STOX2: variants seen among roughly 807,000 people sequenced by gnomAD.
The protein encoded by STOX2 is storkhead-box protein 2.
STOX2 carries 28 observed loss-of-function variants against 60.9 expected under a neutral mutation model. The observed-to-expected ratio is 0.46, with a 90% CI of 0.34 to 0.63. The LOEUF (loss-of-function observed/expected upper bound fraction) is 0.63. Among genes scored for constraint, STOX2 ranks in the 30% least tolerant of loss-of-function variants. The pLI is 0.01. For synonymous variants in STOX2, 472 were observed against 463.9 expected (o/e 1.02, Z -0.22); for missense variants, 1,024 against 1,187.7 (o/e 0.86, Z 2.03).
At chr4:183,882,072 G>A (rs926949340) in intron 1 of STOX2, among the ~76,000 whole-genome samples, 4 of 152,206 alleles carry the variant, frequency 2.6e-5, no homozygotes, top group African/African-American at 9.7e-5. Context: ...GTAAGTGACA[G>A]ATACTAGGAC....
intron 1 of STOX2, among the ~76,000 whole-genome samples, chr4:183,950,663 C>CAATA (rs1743041837): frequency 9.9e-6 from 1 of 101,386 alleles, no homozygotes; most frequent in Non-Finnish European, 2.0e-5. Context: ...GTTGGGCATG[C>CAATA]AATAGCGCAT....
intron 1 of STOX2, among the ~76,000 whole-genome samples, chr4:183,957,319 A>C (rs1743280143): frequency 6.6e-6 from 1 of 151,842 alleles, no homozygotes; most frequent in Non-Finnish European, 1.5e-5. Flanking sequence ...TAATCTGTTG[A>C]TATTTTGAGG....
intron 1 of STOX2, chr4:183,987,712 G>A (rs772227584): frequency 6.6e-6 from 1 of 152,194 alleles, no homozygotes; most frequent in African/African-American, 2.4e-5. Context: ...CCCGGGCTGC[G>A]AGCCTGACGG....
intron 1 of STOX2, among the ~76,000 whole-genome samples, chr4:183,874,952 A>AATATATATAT (rs759209967): frequency 3.4e-4 from 15 of 44,610 alleles, no homozygotes; most frequent in African/African-American, 1.2e-3. Flanking sequence ...AAAAAAAAAA[A>AATATATATAT]ATATATATAT....
rs1301957769 is a variant in STOX2, at chr4:184,009,140, T to TC, written c.320-18_320-17insC. On this transcript the variant is annotated splice_polypyrimidine_tract_variant and intron_variant, in intron 2 of 3. Transcript: ENST00000308497. The surrounding 1 kb of genome is among the most constrained non-coding windows in gnomAD (Gnocchi z 4.0). The stretch of plus-strand genomic sequence containing the variant: ...CTGTCTTCATTCTCACAAGTGGTTT[T>TC]TTTTTTTTTTTTTTCAGGTGTTCCA... 1.4e-6 allele frequency: 2 copies of TC among 1,388,622 alleles called. No individual in the cohort carries two copies. Among genetic ancestry groups the TC allele is most frequent in the Non-Finnish European group, 9.6e-7 (1 of 1,042,396 alleles). The allele number at this position is 1,388,622 out of a possible 1,614,324, so 86.0% of individuals were successfully genotyped here. A position where few individuals can be genotyped will look rare whatever the true frequency, so the allele number is the denominator to read the frequency against.
At chr4:183,819,029 C>CAGAGG (rs1560829991) in intron 1 of STOX2, among the ~76,000 whole-genome samples, 83 of 151,978 alleles carry the variant, frequency 5.5e-4, no homozygotes, top group African/African-American at 1.8e-3. Flanking sequence ...GATGGGATGG[C>CAGAGG]GGCTGGGCAG....
chr4:183,969,429 T>C (rs1743673376), intron 1 of STOX2, among the ~76,000 whole-genome samples: 1 of 152,216 alleles, frequency 6.6e-6, no homozygotes, highest in Admixed American at 6.5e-5. Context: ...CTGATTTGTA[T>C]TTAAAATTAT....
intron 3 of STOX2, chr4:184,014,132 A>C (rs866251174): frequency 1.5e-5 from 2 of 136,370 alleles, no homozygotes; most frequent in Admixed American, 7.4e-5. Context: ...AAAAAAAAAA[A>C]AACAGAAAAA....
intron 1 of STOX2, among the ~76,000 whole-genome samples, chr4:183,845,495 T>C (rs1323871675): frequency 6.7e-6 from 1 of 150,330 alleles, no homozygotes; most frequent in Non-Finnish European, 1.5e-5. Flanking sequence ...AAAGCTTGAA[T>C]TTTTTTTTGC....
intron 1 of STOX2, among the ~76,000 whole-genome samples, chr4:183,890,830 G>T (rs1741191138): frequency 6.6e-6 from 1 of 152,194 alleles, no homozygotes; most frequent in Admixed American, 6.5e-5. Flanking sequence ...CAATAAGGCT[G>T]GTTGCGGTGG....
chr4:183,846,150 C>T (rs1351002822), intron 1 of STOX2, among the ~76,000 whole-genome samples: 2 of 152,212 alleles, frequency 1.3e-5, no homozygotes, highest in East Asian at 3.8e-4. Flanking sequence ...GCCTCCGTGG[C>T]TTCTGATGAG....
chr4:183,888,931 T>G (rs976306296), intron 1 of STOX2, among the ~76,000 whole-genome samples: 2 of 152,002 alleles, frequency 1.3e-5, no homozygotes, highest in Non-Finnish European at 2.9e-5. Context: ...AGAAAACAAG[T>G]TGGCTTCTTC....
At position 183,811,928 on chromosome 4, in the gene STOX2, ATTTTTTTT is replaced by A. The variant is rs529589265; in HGVS notation, c.364+13889_364+13896del. ...AAAATGACCTAGTGAGAAAGCCTGGATTTTTTTTTTTTTTTTTTTTTTTGAGACAGGGT... is the reference window on the plus strand; with the variant it reads ...AAAATGACCTAGTGAGAAAGCCTGGATTTTTTTTTTTTTTTGAGACAGGGT... On this transcript the variant is annotated intron_variant, in intron 1 of 2. Coordinates refer to the STOX2 transcript ENST00000513034. 8.5e-5 allele frequency among the ~76,000 whole-genome samples: 11 copies of A among 129,700 alleles called. 1 individual carries two copies. The highest frequency in any genetic ancestry group is 1.4e-4 in the African/African-American group (5 of 35,740). 85.1% of individuals were successfully genotyped at this position (129,700 alleles called of 152,430 possible). A position where few individuals can be genotyped will look rare whatever the true frequency, so the allele number is the denominator to read the frequency against.
chr4:183,925,755 A>G (rs529583884), intron 1 of STOX2, among the ~76,000 whole-genome samples: 1 of 152,346 alleles, frequency 6.6e-6, no homozygotes, highest in Non-Finnish European at 1.5e-5. Flanking sequence ...AATTTTATAG[A>G]ATGTTTAATG....
intron 1 of STOX2, among the ~76,000 whole-genome samples, chr4:183,835,324 T>C (rs1221352801): frequency 2.0e-5 from 3 of 151,514 alleles, no homozygotes; most frequent in Non-Finnish European, 2.9e-5. Context: ...TCAAGGTTCA[T>C]GCCATTCTCC....
At chr4:183,964,432 G>A (rs946174106) in intron 1 of STOX2, among the ~76,000 whole-genome samples, 16 of 152,128 alleles carry the variant, frequency 1.1e-4, no homozygotes, top group African/African-American at 3.9e-4. Flanking sequence ...CAACAGCGCT[G>A]GGAGAGAAAT....
At chr4:183,931,943 C>T (rs372650262) in intron 1 of STOX2, among the ~76,000 whole-genome samples, 53 of 152,110 alleles carry the variant, frequency 3.5e-4, no homozygotes, top group South Asian at 2.1e-3. Flanking sequence ...AGGATTGGAG[C>T]GGGCAAGAAG....
At chr4:183,813,296 T>G (rs1479362213) in intron 1 of STOX2, among the ~76,000 whole-genome samples, 1 of 152,156 alleles carries the variant, frequency 6.6e-6, no homozygotes, top group East Asian at 1.9e-4. Flanking sequence ...GGCAGGAGAA[T>G]TGCTTGAACC....
At chr4:183,822,088 G>A (rs773055429) in intron 1 of STOX2, among the ~76,000 whole-genome samples, 5 of 152,154 alleles carry the variant, frequency 3.3e-5, no homozygotes, top group African/African-American at 7.2e-5. Flanking sequence ...TTCAGGCCCC[G>A]GATTATGGAG....
Sources: gnomAD v4.1 joint callset for allele counts (sites outside exome capture counted in the v4.1 genomes callset) on GRCh38, gnomAD v4.1.1 for gene constraint, Gnocchi (gnomAD v3.1) non-coding constraint, MANE v1.5 for transcripts, NCBI Gene and HGNC (gene_info 2026-07-23, HGNC 2026-07-21) for gene names.